The following SPMIP7 variants were observed in gnomAD, a reference collection of about 807,000 sequenced individuals.
The protein encoded by SPMIP7 is protein SPMIP7.
chr7:50,140,037 A>G, the SPMIP7 span: 1 of 758,298 alleles, frequency 1.3e-6, no homozygotes, highest in Non-Finnish European at 2.1e-6. Flanking sequence ...TTCCTATGAG[A>G]TATCTGTGAA....
chr7:50,156,059 C>T, the SPMIP7 span, among the ~76,000 whole-genome samples: 1 of 152,096 alleles, frequency 6.6e-6, no homozygotes, highest in Non-Finnish European at 1.5e-5. Context: ...TCCTGGCAAG[C>T]GGTGGTGTTC....
At chr7:50,114,029 C>A in the SPMIP7 span, among the ~76,000 whole-genome samples, 2 of 151,828 alleles carry the variant, frequency 1.3e-5, no homozygotes, top group East Asian at 1.9e-4. Context: ...GTAACAAAAA[C>A]AAATAACAAT....
the SPMIP7 span, chr7:50,142,261 T>C: frequency 6.6e-6 from 1 of 152,226 alleles, no homozygotes; most frequent in Non-Finnish European, 1.5e-5. Context: ...AATTTTGAAA[T>C]GTTGTATGAA....
the SPMIP7 span, among the ~76,000 whole-genome samples, chr7:50,130,151 C>T: frequency 6.6e-6 from 1 of 152,206 alleles, no homozygotes; most frequent in East Asian, 1.9e-4. Flanking sequence ...AGACTATGAG[C>T]TACATCAGTG....
the SPMIP7 span, among the ~76,000 whole-genome samples, chr7:50,107,367 AAAAAAAAAAAAAAAAAAAGAAAAG>A: frequency 1.5e-5 from 1 of 64,564 alleles, no homozygotes; most frequent in Non-Finnish European, 3.2e-5. Context: ...TGTCTCAAAA[AAAAAAAAAAAAAAAAAAAGAAAAG>A]AAAAGAAAAA....
chr7:50,136,314 T>G, the SPMIP7 span: 1 of 614,210 alleles, frequency 1.6e-6, no homozygotes. Flanking sequence ...CTGACTCACA[T>G]CCTTAGGGCT....
At chr7:50,124,499 T>C in the SPMIP7 span, among the ~76,000 whole-genome samples, 1 of 152,180 alleles carries the variant, frequency 6.6e-6, no homozygotes, top group South Asian at 2.1e-4. Context: ...CAAGTCTTAA[T>C]ACATTTAAAA....
chr7:50,130,490 C>T, the SPMIP7 span, among the ~76,000 whole-genome samples: 1 of 151,962 alleles, frequency 6.6e-6, no homozygotes, highest in Non-Finnish European at 1.5e-5. Context: ...CTGGCCCCAC[C>T]CTACACAGGT....
chr7:50,102,903 G>C, the SPMIP7 span, among the ~76,000 whole-genome samples: 2 of 150,716 alleles, frequency 1.3e-5, no homozygotes, highest in Non-Finnish European at 3.0e-5. Context: ...ATGAAGCTCA[G>C]ATGGGTCGAA....
the SPMIP7 span, among the ~76,000 whole-genome samples, chr7:50,118,209 A>C: frequency 6.6e-6 from 1 of 152,176 alleles, no homozygotes; most frequent in Non-Finnish European, 1.5e-5. Flanking sequence ...CTGAACTCAA[A>C]GAGCTCTCAG....
the SPMIP7 span, among the ~76,000 whole-genome samples, chr7:50,107,954 T>C: frequency 6.6e-6 from 1 of 152,222 alleles, no homozygotes; most frequent in Non-Finnish European, 1.5e-5. Flanking sequence ...ACATAGTTTA[T>C]GGTAATTGCA....
At chr7:50,157,112 C>A in the SPMIP7 span, among the ~76,000 whole-genome samples, 1 of 152,196 alleles carries the variant, frequency 6.6e-6, no homozygotes, top group Non-Finnish European at 1.5e-5. Context: ...TTGGCTGGAT[C>A]TCTGTAATCG....
chr7:50,125,115 T>TATATATATATATATATATATACAC, the SPMIP7 span, among the ~76,000 whole-genome samples: 8 of 25,418 alleles, frequency 3.1e-4, no homozygotes, highest in East Asian at 6.5e-3. Context: ...TATATATATA[T>TATATATATATATATATATATACAC]ACACACACAC....
At chr7:50,136,014 A>G in the SPMIP7 span, 1 of 973,750 alleles carries the variant, frequency 1.0e-6, no homozygotes, top group Non-Finnish European at 1.6e-6. Flanking sequence ...TGACGTAGAA[A>G]GGACTGTCAA....
At chr7:50,098,833 G>A in the SPMIP7 span, among the ~76,000 whole-genome samples, 34 of 47,348 alleles carry the variant, frequency 7.2e-4, no homozygotes, top group Admixed American at 4.7e-3. Flanking sequence ...TTCAACACAC[G>A]AATCTGGGGG....
chr7:50,149,071 G>C, the SPMIP7 span, among the ~76,000 whole-genome samples: 1 of 152,098 alleles, frequency 6.6e-6, no homozygotes, highest in East Asian at 1.9e-4. Flanking sequence ...CTTGAACCCA[G>C]GAGGTGGAAG....
the SPMIP7 span, among the ~76,000 whole-genome samples, chr7:50,108,074 G>A: frequency 6.6e-6 from 1 of 152,084 alleles, no homozygotes; most frequent in Non-Finnish European, 1.5e-5. Context: ...AGTTTTATTA[G>A]GACATAAAGG....
the SPMIP7 span, chr7:50,159,204 G>A: frequency 1.2e-5 from 18 of 1,543,958 alleles, no homozygotes; most frequent in East Asian, 2.5e-5. Flanking sequence ...CCAGGCCTCC[G>A]CCTGGGGAAG....
chr7:50,140,145 G>A, the SPMIP7 span: 3 of 1,501,788 alleles, frequency 2.0e-6, no homozygotes, highest in Non-Finnish European at 2.7e-6. Flanking sequence ...TGAAGTGTGA[G>A]TTCAAGTTCT....
Sources: gnomAD v4.1 joint callset for allele counts (sites outside exome capture counted in the v4.1 genomes callset) on GRCh38, gnomAD v4.1.1 for gene constraint, MANE v1.5 for transcripts, NCBI Gene and HGNC (gene_info 2026-07-23, HGNC 2026-07-21) for gene names.